Variants in RIMS2 observed in about 807,000 individuals in gnomAD.
RIMS2 encodes the protein regulating synaptic membrane exocytosis 2, also known as regulating synaptic membrane exocytosis protein 2.
In RIMS2, 59 loss-of-function variants were observed where a neutral mutation model predicts 174.4. The ratio of observed to expected loss-of-function variants is 0.34; its 90% CI spans 0.27 to 0.42. RIMS2 has a LOEUF of 0.42. RIMS2 is among the 10% of genes least tolerant of loss of function. The pLI is 1.00. For missense variants in RIMS2, 1,620 were observed against 1,666.3 expected, an observed-to-expected ratio of 0.97 and a Z score of 0.48; for synonymous variants, 606 against 572.5, an observed-to-expected ratio of 1.06 and a Z score of -0.84.
intron 2 of RIMS2, among the ~76,000 whole-genome samples, chr8:103,752,404 T>C (rs1463729636): frequency 6.6e-6 from 1 of 152,196 alleles, no homozygotes; most frequent in Non-Finnish European, 1.5e-5. Context: ...AGCTTTGTTC[T>C]TTTGGCTTAG....
intron 19 of RIMS2, among the ~76,000 whole-genome samples, chr8:104,062,007 C>A (rs4451279): frequency 0.27 from 40,645 of 151,792 alleles, 5,955 homozygotes; most frequent in African/African-American, 0.38. Context: ...TCAAAATGAT[C>A]AAAAATATGA....
intron 1 of RIMS2, among the ~76,000 whole-genome samples, chr8:103,590,734 C>T (rs1000677315): frequency 1.6e-4 from 24 of 150,952 alleles, no homozygotes; most frequent in Admixed American, 1.5e-3. Flanking sequence ...CATATTAATG[C>T]TATGTAGACT....
intron 19 of RIMS2, among the ~76,000 whole-genome samples, chr8:104,174,183 G>A (rs184072680): frequency 1.3e-5 from 2 of 152,176 alleles, no homozygotes; most frequent in African/African-American, 4.8e-5. Context: ...CTGACCTCAG[G>A]TGATCCATCC....
chr8:103,567,460 A>G (rs1470707654), intron 1 of RIMS2, among the ~76,000 whole-genome samples: 1 of 152,162 alleles, frequency 6.6e-6, no homozygotes, highest in African/African-American at 2.4e-5. Context: ...TACTTAGAAT[A>G]CTGTTTTCAA....
intron 2 of RIMS2, among the ~76,000 whole-genome samples, chr8:103,716,933 T>C (rs1040049460): frequency 2.6e-5 from 4 of 152,134 alleles, no homozygotes; most frequent in African/African-American, 9.7e-5. Context: ...AATAATCTGC[T>C]AGTGTGTGCC....
At chr8:104,230,624 C>G (rs1034024614) in intron 19 of RIMS2, among the ~76,000 whole-genome samples, 2 of 151,830 alleles carry the variant, frequency 1.3e-5, no homozygotes, top group Non-Finnish European at 2.9e-5. Flanking sequence ...CCAGCCTGGG[C>G]GACAAAGTGA....
intron 1 of RIMS2, among the ~76,000 whole-genome samples, chr8:103,645,993 T>A (rs1264616773): frequency 1.3e-5 from 2 of 151,686 alleles, no homozygotes; most frequent in Non-Finnish European, 2.9e-5. Flanking sequence ...TTTATAAGAT[T>A]TGGGTAGGTA....
chr8:104,212,397 C>G (rs1405989571), intron 19 of RIMS2, among the ~76,000 whole-genome samples: 1 of 151,998 alleles, frequency 6.6e-6, no homozygotes, highest in African/African-American at 2.4e-5. Flanking sequence ...AGGAAGAAAA[C>G]TTACAAGAAT....
intron 17 of RIMS2, among the ~76,000 whole-genome samples, chr8:103,990,549 T>C (rs1045573446): frequency 2.0e-5 from 3 of 152,088 alleles, no homozygotes; most frequent in Non-Finnish European, 4.4e-5. Context: ...ACATGCTACA[T>C]GTAGAAGTTG....
intron 1 of RIMS2, among the ~76,000 whole-genome samples, chr8:103,609,406 G>A (rs971055016): frequency 2.6e-5 from 4 of 152,084 alleles, no homozygotes; most frequent in African/African-American, 7.2e-5. Flanking sequence ...ATTGCTGTTG[G>A]CATCTTTGTC....
At chr8:103,898,701 G>T (rs2099308312) in intron 4 of RIMS2, among the ~76,000 whole-genome samples, 1 of 151,300 alleles carries the variant, frequency 6.6e-6, no homozygotes, top group East Asian at 1.9e-4. Context: ...TCCCCATTAT[G>T]GTAGTTCTTT....
chr8:104,232,821 G>A (rs1394305356), intron 19 of RIMS2, among the ~76,000 whole-genome samples: 3 of 152,224 alleles, frequency 2.0e-5, no homozygotes, highest in African/African-American at 4.8e-5. Flanking sequence ...TTGCAAAGCA[G>A]GCTAGAAAAG....
At chr8:103,620,402 C>T (rs1285821004) in intron 1 of RIMS2, among the ~76,000 whole-genome samples, 2 of 151,638 alleles carry the variant, frequency 1.3e-5, no homozygotes, top group African/African-American at 4.8e-5. Context: ...ATATGAACAA[C>T]TAAATGTTGA....
intron 19 of RIMS2, among the ~76,000 whole-genome samples, chr8:104,227,822 C>G (rs2099197748): frequency 6.6e-6 from 1 of 152,150 alleles, no homozygotes; most frequent in South Asian, 2.1e-4. Flanking sequence ...ACTCATCTGA[C>G]TTCTTTTACA....
At chr8:103,646,310 G>C (rs1268792733) in intron 1 of RIMS2, among the ~76,000 whole-genome samples, 2 of 152,100 alleles carry the variant, frequency 1.3e-5, no homozygotes, top group African/African-American at 2.4e-5. Context: ...ACGTGAGGTA[G>C]AAGTTTTTTT....
intron 3 of RIMS2, among the ~76,000 whole-genome samples, chr8:103,833,972 C>T (rs1245783409): frequency 6.6e-6 from 1 of 152,030 alleles, no homozygotes; most frequent in Non-Finnish European, 1.5e-5. Context: ...TAGTTTGTCC[C>T]TCTGAAGAAT....
At chr8:104,017,954 A>G (rs1405715739) in intron 19 of RIMS2, among the ~76,000 whole-genome samples, 1 of 152,078 alleles carries the variant, frequency 6.6e-6, no homozygotes, top group Non-Finnish European at 1.5e-5. Context: ...CCACTCCCAT[A>G]GTCCCAGCTA....
chr8:103,954,028 G>C (rs1447474340), intron 14 of RIMS2, among the ~76,000 whole-genome samples: 1 of 152,144 alleles, frequency 6.6e-6, no homozygotes, highest in Non-Finnish European at 1.5e-5. Context: ...TAATGGTAAA[G>C]GGTTCAATGC....
At chr8:104,009,935 C>T (rs1486049408) in intron 17 of RIMS2, among the ~76,000 whole-genome samples, 1 of 151,942 alleles carries the variant, frequency 6.6e-6, no homozygotes, top group Non-Finnish European at 1.5e-5. Context: ...AGATACTCTA[C>T]ATTGAGCTTA....
Sources: gnomAD v4.1 joint callset for allele counts (sites outside exome capture counted in the v4.1 genomes callset) on GRCh38, gnomAD v4.1.1 for gene constraint, MANE v1.5 for transcripts, NCBI Gene and HGNC (gene_info 2026-07-23, HGNC 2026-07-21) for gene names.